Variants in ST3GAL3 observed in about 807,000 individuals in gnomAD.
The protein encoded by ST3GAL3 is CMP-N-acetylneuraminate-beta-1,4-galactoside alpha-2,3-sialyltransferase.
A neutral mutation model predicts 50.1 loss-of-function variants in ST3GAL3; 21 were observed. The observed-to-expected ratio is 0.42, with a 90% CI of 0.30 to 0.60. The LOEUF (loss-of-function observed/expected upper bound fraction) is 0.60. Ranked by LOEUF, ST3GAL3 falls within the 20% of genes least tolerant of loss-of-function variation. The pLI, the probability that ST3GAL3 is intolerant of heterozygous loss-of-function variation, is 0.19. For synonymous variants in ST3GAL3, 183 were observed against 190.0 expected, an observed-to-expected ratio of 0.96 and a Z score of 0.30; for missense variants, 353 against 489.4, an observed-to-expected ratio of 0.72 and a Z score of 2.63.
chr1:43,724,128 T>C (rs1332333532), intron 1 of ST3GAL3, among the ~76,000 whole-genome samples: 1 of 152,150 alleles, frequency 6.6e-6, no homozygotes, highest in African/African-American at 2.4e-5. Context: ...AATTATACCT[T>C]TAGAATGTAT....
intron 2 of ST3GAL3, 146 bp downstream of exon 2, chr1:43,736,526 G>A (rs1678535520): frequency 5.0e-6 from 7 of 1,409,068 alleles, no homozygotes; most frequent in Non-Finnish European, 7.0e-6. Context: ...GAAATTGCCT[G>A]CCATTTTAGC....
intron 5 of ST3GAL3, chr1:43,839,371 T>C (rs1268195708): frequency 6.6e-6 from 1 of 152,248 alleles, no homozygotes; most frequent in Non-Finnish European, 1.5e-5. Flanking sequence ...GTCTGGCTTT[T>C]TGTGTTCTGT....
At chr1:43,758,144 C>A (rs1688794880) in intron 2 of ST3GAL3, among the ~76,000 whole-genome samples, 1 of 150,052 alleles carries the variant, frequency 6.7e-6, no homozygotes, top group Non-Finnish European at 1.5e-5. Flanking sequence ...CTATACTATA[C>A]TCCATTGGCT....
At chr1:43,776,742 T>C (rs879770104) in intron 2 of ST3GAL3, among the ~76,000 whole-genome samples, 5 of 152,214 alleles carry the variant, frequency 3.3e-5, no homozygotes, top group South Asian at 4.1e-4. Flanking sequence ...TTAATACTTA[T>C]AATGATCAAC....
chr1:43,724,793 T>C (rs1672148397), intron 1 of ST3GAL3, among the ~76,000 whole-genome samples: 1 of 152,136 alleles, frequency 6.6e-6, no homozygotes, highest in Non-Finnish European at 1.5e-5. Flanking sequence ...AGAGAAAGGC[T>C]CTTACCACCT....
At chr1:43,838,100 A>G in intron 4 of ST3GAL3, 119 bp from the exon 5 acceptor site, 2 of 514,654 alleles carry the variant, frequency 3.9e-6, no homozygotes, top group Non-Finnish European at 3.2e-6. Flanking sequence ...GGGCAACAGA[A>G]CGAGACTCCG....
At chr1:43,810,086 A>T (rs543198379) in intron 3 of ST3GAL3, among the ~76,000 whole-genome samples, 14 of 152,244 alleles carry the variant, frequency 9.2e-5, no homozygotes, top group African/African-American at 2.6e-4. Flanking sequence ...CTGGTGAGCT[A>T]TGGGACTTCA....
At chr1:43,862,908 C>T (rs969808340) in intron 5 of ST3GAL3, among the ~76,000 whole-genome samples, 22 of 151,836 alleles carry the variant, frequency 1.4e-4, no homozygotes, top group African/African-American at 5.3e-4. Flanking sequence ...CGTGTGAGAC[C>T]CAGTTTCAAA....
chr1:43,911,601 C>A lies in ST3GAL3; in HGVS notation c.745-8803C>A, dbSNP rs892711840. Among the ~76,000 whole-genome samples the A allele has an allele frequency of 4.7e-5, 7 of 149,294 alleles. 1 individual carries two copies. The highest frequency in any genetic ancestry group is 7.4e-5 in the Non-Finnish European group (5 of 67,330). On this transcript the variant is annotated intron_variant, in intron 9 of 11. Transcript: ENST00000347631. The stretch of plus-strand genomic sequence containing the variant: ...TAGATATCTATAGATATATCTGTAG[C>A]TATAGATATCTACAGATATATCTAT...
chr1:43,738,303 T>A (rs1471256481), intron 2 of ST3GAL3: 1 of 152,208 alleles, frequency 6.6e-6, no homozygotes, highest in Non-Finnish European at 1.5e-5. Flanking sequence ...GTCCTTTCCA[T>A]TAATTGTTAG....
chr1:43,811,207 C>T (rs1177732874), intron 3 of ST3GAL3, among the ~76,000 whole-genome samples: 1 of 152,144 alleles, frequency 6.6e-6, no homozygotes, highest in Non-Finnish European at 1.5e-5. Flanking sequence ...CTCACAGTGC[C>T]GGCAGGTGCC....
chr1:43,732,564 T>C (rs1246553243), intron 1 of ST3GAL3, among the ~76,000 whole-genome samples: 1 of 152,204 alleles, frequency 6.6e-6, no homozygotes, highest in Non-Finnish European at 1.5e-5. Flanking sequence ...TAAATGCTGC[T>C]CACAACAGCT....
chr1:43,870,427 G>A (rs1304684387), intron 5 of ST3GAL3, among the ~76,000 whole-genome samples: 1 of 152,236 alleles, frequency 6.6e-6, no homozygotes, highest in Non-Finnish European at 1.5e-5. Flanking sequence ...GGAAGCCCAG[G>A]TCTGGGGAGG....
intron 2 of ST3GAL3, among the ~76,000 whole-genome samples, chr1:43,785,975 G>A (rs2057276940): frequency 6.6e-6 from 1 of 152,044 alleles, no homozygotes; most frequent in African/African-American, 2.4e-5. Flanking sequence ...TCTCACTCAT[G>A]TCCCATCAGT....
At chr1:43,918,644 G>A (rs1347067034) in intron 9 of ST3GAL3, among the ~76,000 whole-genome samples, 3 of 151,970 alleles carry the variant, frequency 2.0e-5, no homozygotes, top group Non-Finnish European at 4.4e-5. Flanking sequence ...ATAATATACT[G>A]TAATACCTAA....
chr1:43,850,595 G>A, intron 5 of ST3GAL3: 1 of 757,328 alleles, frequency 1.3e-6, no homozygotes, highest in Non-Finnish European at 2.4e-6. Flanking sequence ...TGTTCTTGTT[G>A]CAGGCAATAG....
At chr1:43,715,878 C>T (rs1667133908) in intron 1 of ST3GAL3, among the ~76,000 whole-genome samples, 1 of 152,162 alleles carries the variant, frequency 6.6e-6, no homozygotes. Context: ...TAGAAAACTG[C>T]TGGACTCTCA....
At chr1:43,885,174 A>G (rs920030383) in intron 5 of ST3GAL3, among the ~76,000 whole-genome samples, 5 of 152,150 alleles carry the variant, frequency 3.3e-5, no homozygotes, top group Admixed American at 2.0e-4. Flanking sequence ...ATGCTTAATC[A>G]TAGTCCTCTT....
intron 6 of ST3GAL3, 60 bp downstream of exon 6, chr1:43,894,537 T>C: frequency 6.7e-7 from 1 of 1,484,408 alleles, no homozygotes; most frequent in Non-Finnish European, 9.4e-7. Context: ...TCCCTGTCCT[T>C]CAGACAAGGC....
Sources: gnomAD v4.1 joint callset for allele counts (sites outside exome capture counted in the v4.1 genomes callset) on GRCh38, gnomAD v4.1.1 for gene constraint, MANE v1.5 for transcripts, NCBI Gene and HGNC (gene_info 2026-07-23, HGNC 2026-07-21) for gene names.